HSPB7: variants seen among roughly 807,000 people sequenced by gnomAD.
HSPB7 encodes the protein heat shock protein beta-7.
A neutral mutation model predicts 11.0 loss-of-function variants in HSPB7; 9 were observed. The observed-to-expected ratio is 0.82, with a 90% confidence interval of 0.49 to 1.43. The LOEUF (loss-of-function observed/expected upper bound fraction) is 1.43, where lower values mean the gene tolerates loss of function less well. HSPB7 is among the 40% of genes most tolerant of loss of function. HSPB7 has a pLI of 0.00. For synonymous variants in HSPB7, 102 were observed against 101.6 expected, an observed-to-expected ratio of 1.00 and a Z score of -0.02; for missense variants, 246 against 243.9, an observed-to-expected ratio of 1.01 and a Z score of -0.06.
In HSPB7 at chr1:16,017,004, AGGG is replaced by A; in HGVS notation, c.333+67_333+69del. ...CAGGGTCTGGGGTCCCAGGATGGTA[AGGG>A]GGAGTAGGAGACATTGGAGGCAGGA... On this transcript the variant is annotated intron_variant, in intron 2 of 2. Coordinates refer to ENST00000311890, the MANE Select transcript of HSPB7 (RefSeq NM_014424.5). The A allele has an allele frequency of 2.0e-6, 3 of 1,491,874 alleles. No homozygotes were observed. In the South Asian group the frequency reaches 3.7e-5, roughly 18 times the overall value. 92.4% of individuals were successfully genotyped at this position (1,491,874 alleles called of 1,614,324 possible).
chr1:16,018,665 G>T (rs2021942770), upstream of HSPB7: 4 of 1,025,966 alleles, frequency 3.9e-6, no homozygotes, highest in Non-Finnish European at 4.7e-6. Flanking sequence ...GCCCCAAGAG[G>T]ACAAAGTTGG....
intron 2 of HSPB7, among the ~76,000 whole-genome samples, chr1:16,016,800 C>T (rs1284010024): frequency 2.6e-5 from 4 of 152,158 alleles, no homozygotes; most frequent in Admixed American, 2.6e-4. Flanking sequence ...TCCCTCTGCC[C>T]ACATCCCTCC....
chr1:16,018,736 T>C, upstream of HSPB7: 1 of 1,054,656 alleles, frequency 9.5e-7, no homozygotes, highest in Non-Finnish European at 1.1e-6. Flanking sequence ...TCCATCTCTG[T>C]GTCAGAGGTG....
rs933652574 is a variant in HSPB7, at chr1:16,014,507, A to C, written c.*1073T>G. On this transcript the variant is annotated 3_prime_UTR_variant, in exon 3 of 3. Transcript: ENST00000311890. ...CCTTCAGTGACAAAGCACAGCACTCAGTGGCTCGGGGATGTTTCCCCGTTA... is the reference window on the plus strand; with the variant it reads ...CCTTCAGTGACAAAGCACAGCACTCCGTGGCTCGGGGATGTTTCCCCGTTA... The C allele has an allele frequency of 1.3e-5, 2 of 152,222 alleles. No individual in the cohort carries two copies. The highest frequency in any genetic ancestry group is 4.8e-5 in the African/African-American group (2 of 41,450). 9.4% of individuals were successfully genotyped at this position (152,222 alleles called of 1,614,324 possible).
rs2021632734 is a variant in HSPB7 at position 16,015,474 on chromosome 1, G to C, written c.*106C>G. The C allele has an allele frequency of 8.9e-7, 1 of 1,122,672 alleles. No individual in the cohort carries two copies. The highest frequency in any genetic ancestry group is 2.0e-4 in the Middle Eastern group (1 of 4,970). 69.5% of individuals were successfully genotyped at this position (1,122,672 alleles called of 1,614,324 possible). A position where few individuals can be genotyped will look rare whatever the true frequency, so the allele number is the denominator to read the frequency against. On this transcript the variant is annotated 3_prime_UTR_variant, in exon 3 of 3. Transcript: ENST00000311890. This position sits in a 1 kb window ranked among gnomAD's most constrained non-coding sequence, Gnocchi z 4.9. ...TCCACCTGGGGTCTGGGGTGCGTGG[G>C]GGCTAGAACCTGGGCTGAGATGTCC... is the stretch of plus-strand genomic sequence containing the variant.
upstream of HSPB7, chr1:16,018,721 T>C (rs2021946788): frequency 9.6e-7 from 1 of 1,041,516 alleles, no homozygotes; most frequent in Middle Eastern, 4.7e-4. Flanking sequence ...CCGGCAACTG[T>C]CTGCTCCATC....
chr1:16,017,116 A>G lies in HSPB7; in HGVS notation c.291T>C (p.Ile97=), dbSNP rs2021789393. The G allele has an allele frequency of 6.2e-7, 1 of 1,612,952 alleles. No homozygotes were observed. Among genetic ancestry groups the G allele is most frequent in the Non-Finnish European group, 8.5e-7 (1 of 1,179,096 alleles). The change falls in exon 2 of 3, where the codon ATT becomes ATC. Residue 97 remains isoleucine, a synonymous_variant. Coordinates refer to ENST00000311890, the MANE Select transcript of HSPB7 (RefSeq NM_014424.5). ...DVRDFSPEDI[I]VTTSNNHIEV... ...CGATGTGGTTGTTGGAGGTGGTGAC[A>G]ATGATGTCTTCAGGTGAGAAGTCTC...
rs776139790 is a variant in HSPB7, at chr1:16,015,810, T to C, written c.334-51A>G. Reference sequence around the variant, plus strand: ...AGGCTGCCCCGACCCCTGTCCTGCTTGTGACAAGCCAGAGCCCTCTTCTCC... The same window carrying C: ...AGGCTGCCCCGACCCCTGTCCTGCTCGTGACAAGCCAGAGCCCTCTTCTCC... On this transcript the variant is annotated intron_variant, in intron 2 of 2. Transcript: ENST00000311890. The surrounding 1 kb of genome is among the most constrained non-coding windows in gnomAD (Gnocchi z 4.9). 13 of 1,499,612 alleles carry C rather than the reference T, an allele frequency of 8.7e-6. 1 individual carries two copies. Among genetic ancestry groups the C allele is most frequent in the Non-Finnish European group, 9.9e-6 (11 of 1,112,328 alleles). The allele number at this position is 1,499,612 out of a possible 1,614,324, so 92.9% of individuals were successfully genotyped here.
chr1:16,018,063 C>G, upstream of HSPB7: 1 of 1,596,040 alleles, frequency 6.3e-7, no homozygotes, highest in South Asian at 1.1e-5. Context: ...CGACTGCGGC[C>G]GCTTTATAAG....
Position 16,014,316 on chromosome 1 carries a change from C to T in HSPB7, c.*1264G>A, listed in dbSNP as rs1051340106. ...GTTAAGGCTGATGGAAGGTCCCTAT[C>T]CCAGATGGGAGATGGGGGCTTTTCC... On this transcript the variant is annotated 3_prime_UTR_variant, in exon 3 of 3. Coordinates refer to ENST00000311890, the MANE Select transcript of HSPB7 (RefSeq NM_014424.5). 6.7e-6 allele frequency: 1 copy of T among 150,242 alleles called. No individual in the cohort carries two copies. The allele number at this position is 150,242 out of a possible 1,614,324, so 9.3% of individuals were successfully genotyped here.
rs752467360 is a variant in HSPB7, at chr1:16,017,200, G to A, written c.207C>T (p.Pro69=). 3.3e-5 allele frequency: 54 copies of A among 1,612,882 alleles called. No homozygotes were observed. In the East Asian group the frequency reaches 1.0e-3, roughly 30 times the overall value. ...HSEPLAFPAR[P]GGAGNIKTLG... ...GGGTCTTGATGTTGCCTGCCCCACC[G>A]GGGCGGGCTGTGGGATGGGCTGCTG... Residue 69 remains proline, a synonymous_variant, in exon 2 of 3, where the codon CCC becomes CCT. Coordinates refer to ENST00000311890, the MANE Select transcript of HSPB7 (RefSeq NM_014424.5).
upstream of HSPB7, chr1:16,018,478 C>T: frequency 1.8e-6 from 2 of 1,125,226 alleles, no homozygotes; most frequent in Non-Finnish European, 2.2e-6. Context: ...GGTGGAAGCA[C>T]CACCGCTCTG....
Position 16,015,692 on chromosome 1 carries a change from G to C in HSPB7, c.401C>G (p.Pro134Arg). ...HKCQLPEDVD[P>R]TSVTSALRED... ...CCGCAGAGCCGAGGTCACCGACGTC[G>C]GGTCCACGTCCTCCGGCAGCTGGCA... The change falls in exon 3 of 3, where the codon CCG (proline) becomes CGG (arginine). Residue 134 changes from proline (P) to arginine (R), a missense_variant. Physicochemically the swap from Pro to Arg is moderately radical, Grantham distance 103. Coordinates refer to ENST00000311890, the MANE Select transcript of HSPB7 (RefSeq NM_014424.5). This position sits in a 1 kb window ranked among gnomAD's most constrained non-coding sequence, Gnocchi z 4.9. 3.7e-6 allele frequency: 6 copies of C among 1,612,924 alleles called. No individual in the cohort carries two copies. The highest frequency in any genetic ancestry group is 5.1e-6 in the Non-Finnish European group (6 of 1,179,436).
rs1241030171 is a variant in HSPB7, at chr1:16,015,970, A to G, written c.334-211T>C. Among the ~76,000 whole-genome samples the G allele has an allele frequency of 6.6e-6, 1 of 152,188 alleles. No individual in the cohort carries two copies. Among genetic ancestry groups the G allele is most frequent in the Non-Finnish European group, 1.5e-5 (1 of 68,030 alleles). ...CAGGGGTGCTTCGCAGAGCTCCAGTAGCTCCAAGGAACAGGCCAGGGACAT... is the reference window on the plus strand; with the variant it reads ...CAGGGGTGCTTCGCAGAGCTCCAGTGGCTCCAAGGAACAGGCCAGGGACAT... On this transcript the variant is annotated intron_variant, in intron 2 of 2. Transcript: ENST00000311890. The surrounding 1 kb of genome is among the most constrained non-coding windows in gnomAD (Gnocchi z 4.9).
Position 16,017,926 on chromosome 1 carries a change from C to G in HSPB7, c.38G>C (p.Arg13Thr), listed in dbSNP as rs560212097. Residue 13 changes from arginine (R) to threonine (T), a missense_variant, in exon 1 of 3, where the codon AGA (arginine) becomes ACA (threonine). Arg to Thr is a moderately conservative substitution (Grantham distance 71). Transcript: ENST00000311890. ...GGAAGAGGAAGAGGAATGGAAACTT[C>G]TCTCCGCTCGGAAGGTGGAAGAGGT... is the stretch of plus-strand genomic sequence containing the variant. ...HRTSSTFRAE[R>T]SFHSSSSSSS... is the part of the protein sequence containing the mutation. 6.2e-7 allele frequency: 1 copy of G among 1,613,440 alleles called. No homozygotes were observed. The highest frequency in any genetic ancestry group is 1.1e-5 in the South Asian group (1 of 91,078).
Position 16,017,784 on chromosome 1 carries a change from C to G in HSPB7, c.180G>C (p.Ser60=). 1.9e-6 allele frequency: 3 copies of G among 1,607,376 alleles called. No individual in the cohort carries two copies. Among genetic ancestry groups the G allele is most frequent in the Non-Finnish European group, 2.5e-6 (3 of 1,177,032 alleles). ...ACTTGCCTGGGAAGGCCAGGGGCTC[C>G]GAGTGGGGCCGCATGAAGCTGCCAA... is the stretch of plus-strand genomic sequence containing the variant. ...DDFGSFMRPH[S]EPLAFPARPG... The change falls in exon 1 of 3, where the codon TCG becomes TCC. Residue 60 remains serine, a synonymous_variant. Coordinates refer to ENST00000311890, the MANE Select transcript of HSPB7 (RefSeq NM_014424.5).
chr1:16,018,084 C>T, upstream of HSPB7: 7 of 1,574,134 alleles, frequency 4.4e-6, no homozygotes, highest in South Asian at 7.0e-5. Context: ...GCCGACTGTC[C>T]CTGGGCTTGG....
At position 16,017,875 on chromosome 1, in the gene HSPB7, G is replaced by C. The variant is rs141575372; in HGVS notation, c.89C>G (p.Ala30Gly). 16 of 1,613,864 alleles carry C rather than the reference G, an allele frequency of 9.9e-6. No homozygotes were observed. The African/African-American group carries it at 2.0e-4, about 20-fold the overall frequency. Residue 30 changes from alanine (A) to glycine (G), a missense_variant, in exon 1 of 3, where the codon GCC (alanine) becomes GGC (glycine). Coordinates refer to ENST00000311890, the MANE Select transcript of HSPB7 (RefSeq NM_014424.5). ...GTCCTGGGCCGGGAGAGCACGGGAG[G>C]CCGAGGAGGAGGTGGAAGAGGAGGA... ...SSSSSSTSSS[A>G]SRALPAQDPP...
chr1:16,018,376 G>A (rs2021927810), upstream of HSPB7: 2 of 1,192,836 alleles, frequency 1.7e-6, no homozygotes, highest in Non-Finnish European at 2.1e-6. Context: ...CAGCCTGGGG[G>A]CTCCTGAGGA....
Sources: gnomAD v4.1 joint callset for allele counts (sites outside exome capture counted in the v4.1 genomes callset) on GRCh38, gnomAD v4.1.1 for gene constraint, Gnocchi (gnomAD v3.1) non-coding constraint, MANE v1.5 for transcripts, NCBI Gene and HGNC (gene_info 2026-07-23, HGNC 2026-07-21) for gene names.